C7orf78: variants seen among roughly 807,000 people sequenced by gnomAD.
C7orf78 encodes chromosome 7 open reading frame 78, also known as putative uncharacterized protein C7orf78.
the C7orf78 span, among the ~76,000 whole-genome samples, chr7:12,526,908 G>T: frequency 3.3e-5 from 2 of 61,300 alleles, no homozygotes; most frequent in Non-Finnish European, 3.4e-5. Flanking sequence ...AGAAAATGCC[G>T]TCTAGCTGTG....
chr7:12,483,662 G>A, the C7orf78 span: 1 of 147,212 alleles, frequency 6.8e-6, no homozygotes, highest in Non-Finnish European at 1.5e-5. Context: ...GAGGTCAGCA[G>A]TTCGAGACCA....
At chr7:12,495,931 T>C in the C7orf78 span, among the ~76,000 whole-genome samples, 10 of 123,644 alleles carry the variant, frequency 8.1e-5, no homozygotes, top group African/African-American at 2.6e-5. Context: ...CAAAAAAAAT[T>C]TTTTTTTTTT....
At chr7:12,522,879 A>C in the C7orf78 span, 1 of 396,686 alleles carries the variant, frequency 2.5e-6, no homozygotes, top group Middle Eastern at 6.3e-4. Flanking sequence ...CTGCTTCATA[A>C]ATTTTTCAAA....
the C7orf78 span, among the ~76,000 whole-genome samples, chr7:12,499,682 G>A: frequency 6.6e-6 from 1 of 151,750 alleles, no homozygotes; most frequent in Non-Finnish European, 1.5e-5. Context: ...GAAACAGAAA[G>A]TCAACAAGGA....
the C7orf78 span, among the ~76,000 whole-genome samples, chr7:12,538,769 G>A: frequency 1.3e-5 from 2 of 152,080 alleles, no homozygotes; most frequent in African/African-American, 2.4e-5. Flanking sequence ...CGTGAGTACA[G>A]AAGACCCCCG....
chr7:12,533,675 C>T, the C7orf78 span, among the ~76,000 whole-genome samples: 1 of 152,078 alleles, frequency 6.6e-6, no homozygotes, highest in Admixed American at 6.6e-5. Context: ...CGCCACCACG[C>T]CCAGCTAATT....
At chr7:12,514,648 G>A in the C7orf78 span, among the ~76,000 whole-genome samples, 1 of 151,808 alleles carries the variant, frequency 6.6e-6, no homozygotes, top group Non-Finnish European at 1.5e-5. Flanking sequence ...TTTGCCCATA[G>A]GGTCTTGTAG....
chr7:12,522,712 G>T, the C7orf78 span, among the ~76,000 whole-genome samples: 1 of 152,052 alleles, frequency 6.6e-6, no homozygotes, highest in Non-Finnish European at 1.5e-5. Flanking sequence ...CTTTTAAGTA[G>T]GTTACTTAAG....
the C7orf78 span, among the ~76,000 whole-genome samples, chr7:12,487,994 ACT>A: frequency 1.3e-5 from 2 of 151,792 alleles, no homozygotes; most frequent in African/African-American, 4.8e-5. Context: ...GAATCAGAAA[ACT>A]CTGTTACCAC....
At chr7:12,501,301 G>A in the C7orf78 span, among the ~76,000 whole-genome samples, 3 of 147,868 alleles carry the variant, frequency 2.0e-5, no homozygotes, top group Non-Finnish European at 4.5e-5. Flanking sequence ...GTCCCTGTTT[G>A]CAGATGACAT....
the C7orf78 span, among the ~76,000 whole-genome samples, chr7:12,488,065 A>C: frequency 6.6e-6 from 1 of 152,082 alleles, no homozygotes; most frequent in Non-Finnish European, 1.5e-5. Flanking sequence ...CTCAAGTATC[A>C]TGTGACCATT....
chr7:12,483,785 G>C, the C7orf78 span: 1 of 150,448 alleles, frequency 6.6e-6, no homozygotes, highest in African/African-American at 2.4e-5. Context: ...GGCTGAGGCA[G>C]GAGAATTGCT....
At chr7:12,532,759 AATAT>A in the C7orf78 span, among the ~76,000 whole-genome samples, 3 of 152,102 alleles carry the variant, frequency 2.0e-5, no homozygotes, top group Admixed American at 6.6e-5. Context: ...TACAATATAA[AATAT>A]ATATAATGTC....
chr7:12,506,737 G>GT, the C7orf78 span: 3 of 296,750 alleles, frequency 1.0e-5, no homozygotes, highest in African/African-American at 6.9e-5. Flanking sequence ...ACATGTATAC[G>GT]TATGTAACAA....
the C7orf78 span, among the ~76,000 whole-genome samples, chr7:12,508,573 A>T: frequency 6.6e-6 from 1 of 152,224 alleles, no homozygotes; most frequent in Non-Finnish European, 1.5e-5. Context: ...GTACTTTGAT[A>T]GTTTGTATAT....
the C7orf78 span, among the ~76,000 whole-genome samples, chr7:12,512,774 T>C: frequency 2.6e-5 from 4 of 152,324 alleles, no homozygotes; most frequent in African/African-American, 9.6e-5. Context: ...TTTACATGTT[T>C]AGTACAGTTT....
the C7orf78 span, among the ~76,000 whole-genome samples, chr7:12,488,377 C>A: frequency 1.3e-5 from 2 of 152,006 alleles, no homozygotes; most frequent in Non-Finnish European, 2.9e-5. Context: ...TCAATCATGG[C>A]AAATGCAAAA....
chr7:12,526,137 A>C, the C7orf78 span, among the ~76,000 whole-genome samples: 1 of 152,118 alleles, frequency 6.6e-6, no homozygotes, highest in Non-Finnish European at 1.5e-5. Flanking sequence ...TGTATAGAGA[A>C]TAAATAGAGT....
chr7:12,499,876 CTA>C, the C7orf78 span, among the ~76,000 whole-genome samples: 1 of 144,300 alleles, frequency 6.9e-6, no homozygotes, highest in South Asian at 2.4e-4. Flanking sequence ...TTATAACAAA[CTA>C]TCTCTCAGAC....
Sources: gnomAD v4.1 joint callset for allele counts (sites outside exome capture counted in the v4.1 genomes callset) on GRCh38, gnomAD v4.1.1 for gene constraint, MANE v1.5 for transcripts, NCBI Gene and HGNC (gene_info 2026-07-23, HGNC 2026-07-21) for gene names.